FARS2: variants seen among roughly 807,000 people sequenced by gnomAD.
FARS2 encodes phenylalanyl-tRNA synthetase 2, mitochondrial, also known as phenylalanine--tRNA ligase, mitochondrial.
FARS2 carries 40 observed loss-of-function variants against 46.4 expected under a neutral mutation model. The observed-to-expected ratio is 0.86, with a 90% CI of 0.67 to 1.12. The LOEUF is 1.12. Ranked by LOEUF, FARS2 falls within the 50% of genes most tolerant of loss-of-function variation. The pLI, the probability that FARS2 is intolerant of heterozygous loss-of-function variation, is 0.00. For synonymous variants in FARS2, 234 were observed against 214.9 expected, an observed-to-expected ratio of 1.09 and a Z score of -0.78; for missense variants, 513 against 567.9, an observed-to-expected ratio of 0.90 and a Z score of 0.98.
intron 1 of FARS2, among the ~76,000 whole-genome samples, chr6:5,361,974 T>A (rs1241587192): frequency 6.6e-6 from 1 of 152,236 alleles, no homozygotes; most frequent in Non-Finnish European, 1.5e-5. Flanking sequence ...TTCAGTATTT[T>A]ACTAGTTGTT....
chr6:5,764,984 A>G lies in FARS2; in HGVS notation c.1218-6307A>G, dbSNP rs904249668. Among the ~76,000 whole-genome samples the G allele has an allele frequency of 9.2e-5, 14 of 152,210 alleles. No homozygotes were observed. Among genetic ancestry groups the G allele is most frequent in the East Asian group, 1.9e-4 (1 of 5,202 alleles). ...CTTGTTAGTTGTATCACTTAAGTTG[A>G]TCGGGAAAAGAAAATAATCACTGGG... On this transcript the variant is annotated intron_variant, in intron 6 of 6. Coordinates refer to ENST00000274680, the MANE Select transcript of FARS2 (RefSeq NM_006567.5). This position sits in a 1 kb window ranked among gnomAD's most constrained non-coding sequence, Gnocchi z 4.1.
chr6:5,436,037 A>G (rs932361061), intron 4 of FARS2, among the ~76,000 whole-genome samples: 23 of 123,918 alleles, frequency 1.9e-4, no homozygotes, highest in Non-Finnish European at 3.2e-4. Context: ...TGCTTTTGAA[A>G]ATATCACAGC....
intron 6 of FARS2, among the ~76,000 whole-genome samples, chr6:5,657,799 A>C (rs1485151732): frequency 1.3e-5 from 2 of 152,214 alleles, no homozygotes; most frequent in Non-Finnish European, 2.9e-5. Context: ...TCAGTAGTTT[A>C]TAAAGGAGCA....
At chr6:5,281,860 C>A (rs7774414) in intron 1 of FARS2, among the ~76,000 whole-genome samples, 4,621 of 152,196 alleles carry the variant, frequency 0.03, 232 homozygotes, top group African/African-American at 0.1. Flanking sequence ...GTGCTCCTAG[C>A]CATCACTAAC....
chr6:5,620,735 A>G (rs1582604625), intron 6 of FARS2, among the ~76,000 whole-genome samples: 1 of 152,210 alleles, frequency 6.6e-6, no homozygotes. Context: ...CCCTTGTGTT[A>G]TTCTGATGGT....
At chr6:5,400,472 A>G (rs1761189622) in intron 2 of FARS2, among the ~76,000 whole-genome samples, 1 of 151,740 alleles carries the variant, frequency 6.6e-6, no homozygotes, top group Non-Finnish European at 1.5e-5. Context: ...GTTTTATTGT[A>G]TTTTAATCAG....
At chr6:5,594,525 A>G (rs1459658580) in intron 5 of FARS2, among the ~76,000 whole-genome samples, 2 of 152,196 alleles carry the variant, frequency 1.3e-5, no homozygotes, top group African/African-American at 4.8e-5. Context: ...AACTAAAGAA[A>G]TGTTAGCCTT....
intron 5 of FARS2, among the ~76,000 whole-genome samples, chr6:5,573,395 G>GAC (rs137921539): frequency 1.7e-3 from 254 of 151,364 alleles, no homozygotes; most frequent in African/African-American, 5.1e-3. Flanking sequence ...TTCTTTTATT[G>GAC]ACACACACAC....
At chr6:5,659,808 A>G (rs747036933) in intron 6 of FARS2, among the ~76,000 whole-genome samples, 1 of 152,238 alleles carries the variant, frequency 6.6e-6, no homozygotes, top group Non-Finnish European at 1.5e-5. Context: ...TAATATAAAC[A>G]TGACAAGGTA....
intron 6 of FARS2, among the ~76,000 whole-genome samples, chr6:5,646,648 G>C (rs890010165): frequency 6.6e-6 from 1 of 152,126 alleles, no homozygotes. Flanking sequence ...GGATGCTCAA[G>C]TCCCTGATAT....
chr6:5,512,078 C>A (rs140137925), intron 4 of FARS2, among the ~76,000 whole-genome samples: 2 of 152,136 alleles, frequency 1.3e-5, no homozygotes, highest in East Asian at 3.9e-4. Context: ...GCTTACCCGC[C>A]CAGTAAATGC....
chr6:5,648,229 C>T (rs1777172478), intron 6 of FARS2, among the ~76,000 whole-genome samples: 1 of 152,220 alleles, frequency 6.6e-6, no homozygotes, highest in Non-Finnish European at 1.5e-5. Context: ...GCCTCATGTC[C>T]TTTAGCAGCC....
At chr6:5,399,754 T>C (rs186268664) in intron 2 of FARS2, among the ~76,000 whole-genome samples, 48 of 152,338 alleles carry the variant, frequency 3.2e-4, no homozygotes, top group African/African-American at 1.2e-3. Flanking sequence ...TTGCCTTTTT[T>C]ATTTATCAGG....
chr6:5,537,268 C>T (rs1770263336), intron 4 of FARS2, among the ~76,000 whole-genome samples: 2 of 152,232 alleles, frequency 1.3e-5, no homozygotes, highest in African/African-American at 2.4e-5. Context: ...ATCCCTACCC[C>T]TTCCCCAGTG....
intron 4 of FARS2, among the ~76,000 whole-genome samples, chr6:5,480,417 T>C (rs898134648): frequency 5.3e-5 from 8 of 152,308 alleles, no homozygotes; most frequent in African/African-American, 1.4e-4. Context: ...TCAAAAAAAG[T>C]AAGAACATGG....
At chr6:5,272,410 A>G (rs1766024462) in intron 1 of FARS2, 1 of 152,202 alleles carries the variant, frequency 6.6e-6, no homozygotes, top group Admixed American at 6.5e-5. Context: ...TTATGCGGAA[A>G]TGATATCACG....
intron 3 of FARS2, among the ~76,000 whole-genome samples, chr6:5,426,769 G>A (rs1323837825): frequency 6.6e-6 from 1 of 152,138 alleles, no homozygotes; most frequent in Non-Finnish European, 1.5e-5. Flanking sequence ...GGTACTACAG[G>A]CATGTGCCAT....
At chr6:5,507,924 GAGA>G (rs1768196658) in intron 4 of FARS2, among the ~76,000 whole-genome samples, 1 of 152,214 alleles carries the variant, frequency 6.6e-6, no homozygotes. Context: ...CCCGAGGTAG[GAGA>G]AGGTTTCTTT....
chr6:5,577,321 C>G (rs1773043451), intron 5 of FARS2, among the ~76,000 whole-genome samples: 1 of 150,148 alleles, frequency 6.7e-6, no homozygotes, highest in Admixed American at 6.7e-5. Flanking sequence ...TTGATATAAA[C>G]TCATGGTTTT....
Sources: gnomAD v4.1 joint callset for allele counts (sites outside exome capture counted in the v4.1 genomes callset) on GRCh38, gnomAD v4.1.1 for gene constraint, Gnocchi (gnomAD v3.1) non-coding constraint, MANE v1.5 for transcripts, NCBI Gene and HGNC (gene_info 2026-07-23, HGNC 2026-07-21) for gene names.